The following TMED2 variants were observed in gnomAD, a reference collection of about 807,000 sequenced individuals.
TMED2 encodes transmembrane emp24 domain-containing protein 2.
A neutral mutation model predicts 17.5 loss-of-function variants in TMED2; 3 were observed. The ratio of observed to expected loss-of-function variants is 0.17; its 90% CI spans 0.08 to 0.44. The LOEUF (loss-of-function observed/expected upper bound fraction) is 0.44, where lower values mean the gene tolerates loss of function less well. TMED2 is among the 20% of genes least tolerant of loss of function. TMED2 has a pLI of 0.99. For missense variants in TMED2, 149 were observed against 254.8 expected (o/e 0.58, Z 2.83); for synonymous variants, 95 against 91.0 (o/e 1.04, Z -0.25).
At chr12:123,584,927 C>T in intron 1 of TMED2, 111 bp downstream of exon 1, 1 of 1,386,634 alleles carries the variant, frequency 7.2e-7, no homozygotes, top group South Asian at 1.3e-5. Context: ...AAGTCGCTGT[C>T]CGAGTCCTGG....
rs188828539 is a variant in TMED2 at position 123,595,271 on chromosome 12, T to A, written c.482-1334T>A. On this transcript the variant is annotated intron_variant, in intron 3 of 3. Coordinates refer to ENST00000262225, the MANE Select transcript of TMED2 (RefSeq NM_006815.4). Reference sequence around the variant, plus strand: ...AAAAGAATTTGATCAGAAACTTGAATGTAACAAATAGAGTATAGTAAATAT... The same window carrying A: ...AAAAGAATTTGATCAGAAACTTGAAAGTAACAAATAGAGTATAGTAAATAT... 3.3e-5 allele frequency among the ~76,000 whole-genome samples: 5 copies of A among 152,280 alleles called. No homozygotes were observed. The East Asian group carries it at 9.7e-4, about 29-fold the overall frequency.
chr12:123,588,862 C>G (rs140552680), intron 2 of TMED2, among the ~76,000 whole-genome samples: 15 of 152,276 alleles, frequency 9.9e-5, no homozygotes, highest in Non-Finnish European at 1.8e-4. Flanking sequence ...TCTATCAGTT[C>G]CATGTGGTGC....
At chr12:123,585,005 C>T (rs1886312797) in intron 1 of TMED2, 189 bp downstream of exon 1, 3 of 684,092 alleles carry the variant, frequency 4.4e-6, no homozygotes, top group Middle Eastern at 4.3e-4. Context: ...CCTTTTCCCG[C>T]GACTTGCCTG....
At chr12:123,590,559 C>A in intron 3 of TMED2, 110 bp downstream of exon 3, 2 of 803,534 alleles carry the variant, frequency 2.5e-6, no homozygotes, top group Non-Finnish European at 3.9e-6. Flanking sequence ...TATGTGAAAG[C>A]ATTGACTTTA....
At chr12:123,589,633 C>T (rs1953377028) in intron 2 of TMED2, among the ~76,000 whole-genome samples, 1 of 152,070 alleles carries the variant, frequency 6.6e-6, no homozygotes, top group Admixed American at 6.6e-5. Context: ...TTTAAAAATG[C>T]TTTGAGAATT....
intron 1 of TMED2, chr12:123,585,816 A>G (rs1886334325): frequency 6.6e-6 from 1 of 152,242 alleles, no homozygotes; most frequent in Admixed American, 6.5e-5. Context: ...GGGTCTTCTC[A>G]TTTCCAGGCT....
At chr12:123,584,996 C>CTT in intron 1 of TMED2, 180 bp downstream of exon 1, 1 of 735,872 alleles carries the variant, frequency 1.4e-6, no homozygotes, top group Non-Finnish European at 2.1e-6. Flanking sequence ...CTAACGGCCC[C>CTT]TTTTCCCGCG....
chr12:123,590,225 G>C, intron 2 of TMED2, 117 bp from the exon 3 acceptor site: 1 of 659,882 alleles, frequency 1.5e-6, no homozygotes, highest in Non-Finnish European at 2.4e-6. Context: ...AGAGGTTGCA[G>C]TGAGCTGAGA....
intron 3 of TMED2, among the ~76,000 whole-genome samples, chr12:123,594,548 A>G (rs1043380392): frequency 2.0e-5 from 3 of 152,132 alleles, no homozygotes; most frequent in African/African-American, 7.2e-5. Flanking sequence ...GTTTGAGGTC[A>G]GGAGCTTGAG....
intron 1 of TMED2, 59 bp downstream of exon 1, chr12:123,584,875 C>T: frequency 1.3e-6 from 2 of 1,584,950 alleles, no homozygotes; most frequent in South Asian, 1.1e-5. Flanking sequence ...GGATTGGTGG[C>T]ACCTGGGACC....
At chr12:123,587,844 C>G (rs1953363835) in intron 2 of TMED2, among the ~76,000 whole-genome samples, 1 of 152,120 alleles carries the variant, frequency 6.6e-6, no homozygotes, top group East Asian at 1.9e-4. Context: ...ACTAATAGCA[C>G]TGAAAACACA....
chr12:123,590,489 G>A (rs1228765061), intron 3 of TMED2, 40 bp downstream of exon 3: 13 of 1,504,262 alleles, frequency 8.6e-6, no homozygotes, highest in East Asian at 2.4e-5. Flanking sequence ...GTCTGATGGT[G>A]AAGGTTGTTT....
chr12:123,586,689 T>C (rs754394933), intron 1 of TMED2, 58 bp from the exon 2 acceptor site: 15 of 1,456,904 alleles, frequency 1.0e-5, no homozygotes, highest in Non-Finnish European at 1.4e-5. Flanking sequence ...AGACATTACT[T>C]ATAAAGTCTA....
In TMED2 at chr12:123,596,912, C is replaced by T. The variant is rs1455418787; in HGVS notation, c.*183C>T. The T allele has an allele frequency of 1.6e-6, 1 of 621,454 alleles. No individual in the cohort carries two copies. The highest frequency in any genetic ancestry group is 2.4e-6 in the Non-Finnish European group (1 of 425,328). 38.5% of individuals were successfully genotyped at this position (621,454 alleles called of 1,614,324 possible). ...TAGGAAAATTATAGTGAAAATTTGA[C>T]AGTTGATTGGCATAATTTCTTGTTT... On this transcript the variant is annotated 3_prime_UTR_variant, in exon 4 of 4. Transcript: ENST00000262225.
chr12:123,593,503 A>G (rs575587849), intron 3 of TMED2, among the ~76,000 whole-genome samples: 5 of 152,384 alleles, frequency 3.3e-5, no homozygotes, highest in African/African-American at 1.2e-4. Flanking sequence ...CTGATTCAGC[A>G]AAATGGATAG....
intron 2 of TMED2, among the ~76,000 whole-genome samples, chr12:123,589,303 A>G (rs1953374440): frequency 6.6e-6 from 1 of 152,160 alleles, no homozygotes; most frequent in Non-Finnish European, 1.5e-5. Context: ...AGAGCGTTTT[A>G]ATGTTTTTCT....
At chr12:123,586,669 T>G (rs1037895724) in intron 1 of TMED2, 78 bp from the exon 2 acceptor site, 1 of 1,402,548 alleles carries the variant, frequency 7.1e-7, no homozygotes, top group African/African-American at 1.5e-5. Flanking sequence ...GTGAATTTCT[T>G]ACTGCCATTA....
chr12:123,584,917 A>AC (rs1487350142), intron 1 of TMED2, 101 bp downstream of exon 1: 13 of 1,452,076 alleles, frequency 9.0e-6, no homozygotes, highest in African/African-American at 2.8e-5. Flanking sequence ...GTGGGCTTGG[A>AC]AGTCGCTGTC....
At chr12:123,588,076 G>A (rs75131430) in intron 2 of TMED2, among the ~76,000 whole-genome samples, 1 of 151,976 alleles carries the variant, frequency 6.6e-6, no homozygotes, top group East Asian at 1.9e-4. Context: ...AGTTCTTTTA[G>A]CCATATGTTG....
Sources: gnomAD v4.1 joint callset for allele counts (sites outside exome capture counted in the v4.1 genomes callset) on GRCh38, gnomAD v4.1.1 for gene constraint, MANE v1.5 for transcripts, NCBI Gene and HGNC (gene_info 2026-07-23, HGNC 2026-07-21) for gene names.